The following ZMYM2 variants were observed in gnomAD, a reference collection of about 807,000 sequenced individuals.
ZMYM2 encodes the protein zinc finger MYM-type containing 2.
Under a neutral mutation model 162.8 loss-of-function variants are expected in ZMYM2, and 56 were observed. The ratio of observed to expected loss-of-function variants is 0.34; its 90% CI spans 0.28 to 0.43. The LOEUF is 0.43. Among genes scored for constraint, ZMYM2 ranks in the 20% least tolerant of loss-of-function variants. ZMYM2 has a pLI of 1.00. For synonymous variants in ZMYM2, 510 were observed against 541.6 expected (o/e 0.94, Z 0.81); for missense variants, 1,275 against 1,621.8 (o/e 0.79, Z 3.67).
At chr13:20,053,440 C>T (rs1420683791) in intron 14 of ZMYM2, among the ~76,000 whole-genome samples, 1 of 152,168 alleles carries the variant, frequency 6.6e-6, no homozygotes, top group Non-Finnish European at 1.5e-5. Context: ...CACCTGAGGT[C>T]AGAAGTTCGA....
chr13:19,880,812 C>T, the ZMYM2 span, among the ~76,000 whole-genome samples: 9 of 152,258 alleles, frequency 5.9e-5, no homozygotes, highest in East Asian at 1.9e-4. Flanking sequence ...GTTGACTTTT[C>T]GTCCGGCTTC....
rs962124825 is a variant in ZMYM2, at chr13:20,027,409, T to C, written c.1851+91T>C. The C allele has an allele frequency of 1.0e-4, 99 of 988,802 alleles. No individual in the cohort carries two copies. The Middle Eastern group carries it at 3.1e-3, about 31-fold the overall frequency. The allele number at this position is 988,802 out of a possible 1,614,324, so 61.3% of individuals were successfully genotyped here. ...TATAATATGCTTTATTTTATCTTAA[T>C]TTTTACGTAGCTTGTTGAGGGTCAA... is the stretch of plus-strand genomic sequence containing the variant. On this transcript the variant is annotated intron_variant, in intron 9 of 24. Coordinates refer to ENST00000610343, the MANE Select transcript of ZMYM2 (RefSeq NM_197968.4).
intron 7 of ZMYM2, among the ~76,000 whole-genome samples, chr13:20,024,127 G>C (rs1408486189): frequency 3.9e-5 from 6 of 151,998 alleles, no homozygotes; most frequent in Non-Finnish European, 2.9e-5. Context: ...TAGAGACGGG[G>C]TTTTGCCATG....
At chr13:20,059,950 C>T (rs1475962736) in intron 16 of ZMYM2, among the ~76,000 whole-genome samples, 2 of 152,144 alleles carry the variant, frequency 1.3e-5, no homozygotes, top group Non-Finnish European at 2.9e-5. Context: ...AGGAAGATTG[C>T]TTGAGCTTGG....
At chr13:20,006,627 G>A (rs768748200) in intron 6 of ZMYM2, 41 bp downstream of exon 6, 4 of 1,580,058 alleles carry the variant, frequency 2.5e-6, no homozygotes, top group Non-Finnish European at 3.5e-6. Context: ...TCTTTAGAAT[G>A]TTCTTGAAAG....
rs564234697 is a variant in ZMYM2 at position 20,086,841 on chromosome 13, T to A, written c.*827T>A. 1.0e-4 allele frequency: 17 copies of A among 162,952 alleles called. No homozygotes were observed. The highest frequency in any genetic ancestry group is 3.4e-4 in the African/African-American group (14 of 41,528). The allele number at this position is 162,952 out of a possible 1,614,324, so 10.1% of individuals were successfully genotyped here. A position where few individuals can be genotyped will look rare whatever the true frequency, so the allele number is the denominator to read the frequency against. ...AAACAAGATCATCAAGACATTTCCT[T>A]TGTAAAAATGTCTGGTGAAAGTATA... is the stretch of plus-strand genomic sequence containing the variant. On this transcript the variant is annotated 3_prime_UTR_variant, in exon 25 of 25. Transcript: ENST00000610343.
Position 20,082,796 on chromosome 13 carries a change from G to A in ZMYM2, c.3584G>A (p.Arg1195Gln). ...TCTATTTAAGGGTCAATATTCTCTC[G>A]AGTTGAAGAAGACTATCTCTGGAGG... ...SILPDGSIFS[R>Q]VEEDYLWRIK... Residue 1195 changes from arginine to glutamine, a missense_variant, in exon 23 of 25, where the codon CGA becomes CAA. This residue lies in a region of ZMYM2 where 103 missense variants were observed against 192.2 expected (regional missense o/e 0.54). Coordinates refer to ENST00000610343, the MANE Select transcript of ZMYM2 (RefSeq NM_197968.4). The A allele has an allele frequency of 1.2e-6, 2 of 1,605,590 alleles. No homozygotes were observed. The highest frequency in any genetic ancestry group is 8.5e-7 in the Non-Finnish European group (1 of 1,174,730).
chr13:19,906,518 T>TCA, the ZMYM2 span, among the ~76,000 whole-genome samples: 2 of 132,614 alleles, frequency 1.5e-5, no homozygotes, highest in African/African-American at 5.7e-5. Flanking sequence ...TTTCTATATA[T>TCA]CACACATATA....
intron 21 of ZMYM2, among the ~76,000 whole-genome samples, 160 bp from the exon 22 acceptor site, chr13:20,081,856 A>T (rs1036546752): frequency 6.6e-6 from 1 of 151,958 alleles, no homozygotes; most frequent in African/African-American, 2.4e-5. Flanking sequence ...ATGATTCTTT[A>T]TAATTTCTAG....
the ZMYM2 span, among the ~76,000 whole-genome samples, chr13:19,953,532 A>G: frequency 6.6e-6 from 1 of 151,968 alleles, no homozygotes; most frequent in Non-Finnish European, 1.5e-5. Context: ...AAGAACACAA[A>G]AATTAGCTGG....
chr13:20,034,488 C>G, intron 11 of ZMYM2, 84 bp downstream of exon 11: 1 of 1,271,860 alleles, frequency 7.9e-7, no homozygotes, highest in Non-Finnish European at 1.0e-6. Flanking sequence ...AGTGGCTGCA[C>G]AATTTTAATG....
intron 14 of ZMYM2, among the ~76,000 whole-genome samples, chr13:20,057,290 T>A (rs902543854): frequency 4.6e-5 from 7 of 151,786 alleles, no homozygotes; most frequent in East Asian, 1.9e-4. Flanking sequence ...ATTTTTATTT[T>A]TATTTATTTA....
At chr13:19,977,278 C>T (rs1040898887) in intron 2 of ZMYM2, among the ~76,000 whole-genome samples, 16 of 152,090 alleles carry the variant, frequency 1.1e-4, no homozygotes, top group African/African-American at 3.6e-4. Context: ...GCTTTCGGCT[C>T]CCAAAGTGTT....
chr13:20,021,753 C>A (rs888429791), intron 7 of ZMYM2, among the ~76,000 whole-genome samples: 2 of 152,154 alleles, frequency 1.3e-5, no homozygotes, highest in Non-Finnish European at 2.9e-5. Context: ...GGGGTTCTTT[C>A]TCTGGCCACA....
At chr13:20,034,452 G>T (rs1317918181) in intron 11 of ZMYM2, 48 bp downstream of exon 11, 2 of 1,398,462 alleles carry the variant, frequency 1.4e-6, no homozygotes, top group Non-Finnish European at 9.3e-7. Flanking sequence ...GATATTTAAT[G>T]TTTTTTGCCA....
chr13:20,066,709 T>A, intron 19 of ZMYM2, 142 bp from the exon 20 acceptor site: 1 of 693,836 alleles, frequency 1.4e-6, no homozygotes, highest in Non-Finnish European at 2.1e-6. Context: ...AAAACATACG[T>A]GTCCAAGTGG....
At chr13:19,872,881 C>T in the ZMYM2 span, among the ~76,000 whole-genome samples, 1 of 151,898 alleles carries the variant, frequency 6.6e-6, no homozygotes, top group Admixed American at 6.6e-5. Flanking sequence ...TGCCTGGAAT[C>T]ACAGTTATTT....
chr13:20,085,588 TGTCTATTGATA>T (rs1485877501), intron 24 of ZMYM2, among the ~76,000 whole-genome samples: 1 of 152,188 alleles, frequency 6.6e-6, no homozygotes, highest in Non-Finnish European at 1.5e-5. Flanking sequence ...ATGAGTGGTG[TGTCTATTGATA>T]GTGTCTTGGA....
chr13:20,047,369 CT>C (rs1384766889), intron 12 of ZMYM2, among the ~76,000 whole-genome samples: 1 of 152,038 alleles, frequency 6.6e-6, no homozygotes, highest in Non-Finnish European at 1.5e-5. Context: ...TATGGTTTAT[CT>C]TTTTTTATTT....
Sources: gnomAD v4.1 joint callset for allele counts (sites outside exome capture counted in the v4.1 genomes callset) on GRCh38, gnomAD v4.1.1 for gene constraint, gnomAD v4.1.1 regional missense constraint, MANE v1.5 for transcripts, NCBI Gene and HGNC (gene_info 2026-07-23, HGNC 2026-07-21) for gene names.